The following SHISA9 variants were observed in gnomAD, a reference collection of about 807,000 sequenced individuals.
The protein encoded by SHISA9 is protein shisa-9.
Under a neutral mutation model 38.0 loss-of-function variants are expected in SHISA9, and 13 were observed. The ratio of observed to expected loss-of-function variants is 0.34; its 90% CI spans 0.22 to 0.54. SHISA9 has a LOEUF of 0.54. Among genes scored for constraint, SHISA9 ranks in the 20% least tolerant of loss-of-function variants. The pLI is 0.91. For missense variants in SHISA9, 538 were observed against 575.8 expected (o/e 0.93, Z 0.67); for synonymous variants, 275 against 242.0 (o/e 1.14, Z -1.27).
chr16:13,084,337 C>T (rs1206696446), intron 2 of SHISA9, among the ~76,000 whole-genome samples: 1 of 152,158 alleles, frequency 6.6e-6, no homozygotes, highest in Non-Finnish European at 1.5e-5. Flanking sequence ...GAAATATGTT[C>T]CCATGAACTC....
intron 2 of SHISA9, among the ~76,000 whole-genome samples, chr16:12,937,119 G>A (rs781392650): frequency 1.3e-5 from 2 of 152,110 alleles, no homozygotes; most frequent in Non-Finnish European, 2.9e-5. Context: ...TTTAAGAATT[G>A]AGTTTTAGAT....
the SHISA9 span, among the ~76,000 whole-genome samples, chr16:13,314,760 A>G: frequency 6.6e-6 from 1 of 152,110 alleles, no homozygotes; most frequent in African/African-American, 2.4e-5. Flanking sequence ...ATATTCATAT[A>G]CGTAATTTAA....
At chr16:13,072,595 C>A (rs923925265) in intron 2 of SHISA9, among the ~76,000 whole-genome samples, 19 of 152,128 alleles carry the variant, frequency 1.2e-4, no homozygotes, top group Non-Finnish European at 2.5e-4. Context: ...TCATTCAATC[C>A]TTTCAAGACC....
intron 2 of SHISA9, among the ~76,000 whole-genome samples, chr16:13,113,653 C>G (rs1016135044): frequency 3.3e-5 from 5 of 152,268 alleles, no homozygotes; most frequent in African/African-American, 4.8e-5. Context: ...AGTTAATGTG[C>G]TTAATATTCA....
chr16:13,052,178 A>G (rs2073259598), intron 2 of SHISA9, among the ~76,000 whole-genome samples: 1 of 152,230 alleles, frequency 6.6e-6, no homozygotes, highest in Non-Finnish European at 1.5e-5. Flanking sequence ...TAATAATCCA[A>G]GAAAAGAAAA....
At chr16:13,514,926 AG>A in the SHISA9 span, among the ~76,000 whole-genome samples, 1 of 152,222 alleles carries the variant, frequency 6.6e-6, no homozygotes, top group Admixed American at 6.5e-5. Context: ...AGCAAAAACA[AG>A]AACGACAAAG....
At chr16:13,399,351 C>T in the SHISA9 span, among the ~76,000 whole-genome samples, 7 of 152,222 alleles carry the variant, frequency 4.6e-5, no homozygotes, top group East Asian at 1.2e-3. Flanking sequence ...ACCATATATT[C>T]AAGCTAAATA....
At chr16:13,469,318 GAGAGAA>G in the SHISA9 span, among the ~76,000 whole-genome samples, 323 of 95,284 alleles carry the variant, frequency 3.4e-3, 3 homozygotes, top group African/African-American at 0.013. Flanking sequence ...GAGAGAGAGA[GAGAGAA>G]AGAAAGAAAG....
At chr16:13,294,130 C>G in the SHISA9 span, among the ~76,000 whole-genome samples, 3,841 of 152,274 alleles carry the variant, frequency 0.025, 164 homozygotes, top group African/African-American at 0.086. Flanking sequence ...TATGCAATAT[C>G]CTGCTTGGTC....
intron 2 of SHISA9, among the ~76,000 whole-genome samples, chr16:13,115,232 C>T (rs965800566): frequency 3.3e-5 from 5 of 152,066 alleles, no homozygotes; most frequent in Admixed American, 2.6e-4. Flanking sequence ...AACCTATCAG[C>T]ACTAGAGGAA....
chr16:12,973,121 T>C (rs1318937305), intron 2 of SHISA9, among the ~76,000 whole-genome samples: 1 of 152,062 alleles, frequency 6.6e-6, no homozygotes, highest in Admixed American at 6.6e-5. Flanking sequence ...ATTTCACCCC[T>C]CCGCTCCCCC....
intron 2 of SHISA9, among the ~76,000 whole-genome samples, chr16:13,010,100 C>G (rs149480608): frequency 6.6e-6 from 1 of 152,050 alleles, no homozygotes; most frequent in African/African-American, 2.4e-5. Flanking sequence ...GTCGCTTGAG[C>G]CCAGGAGGTT....
chr16:13,138,888 A>G (rs2050373211), intron 2 of SHISA9, among the ~76,000 whole-genome samples: 1 of 151,868 alleles, frequency 6.6e-6, no homozygotes, highest in Non-Finnish European at 1.5e-5. Context: ...TTTTAATTCC[A>G]TGGTACCCAC....
the SHISA9 span, among the ~76,000 whole-genome samples, chr16:13,466,557 T>C: frequency 6.6e-6 from 1 of 152,122 alleles, no homozygotes; most frequent in Non-Finnish European, 1.5e-5. Flanking sequence ...ACAGAATGGG[T>C]AGTTGTTGTT....
chr16:12,902,253 G>A lies in SHISA9; in HGVS notation c.189G>A (p.Ala63=), dbSNP rs2071027755. The A allele has an allele frequency of 5.8e-6, 9 of 1,545,316 alleles. No homozygotes were observed. The highest frequency in any genetic ancestry group is 2.0e-5 in the Admixed American group (1 of 50,956). The change falls in exon 1 of 5, where the codon GCG becomes GCA. Residue 63 remains alanine, a synonymous_variant. Coordinates refer to ENST00000558583, the MANE Select transcript of SHISA9 (RefSeq NM_001145204.3). ...EASEGAEASD[A]PPTRAPTPDF... is the part of the protein sequence containing the mutation. ...GCGAGGGCGCTGAGGCATCGGACGC[G>A]CCCCCGACCCGGGCGCCCACGCCGG...
At chr16:13,280,070 A>T in the SHISA9 span, among the ~76,000 whole-genome samples, 4 of 144,278 alleles carry the variant, frequency 2.8e-5, no homozygotes, top group East Asian at 2.0e-4. Context: ...TAGTGATGCT[A>T]CTTTTTCATT....
intron 3 of SHISA9, among the ~76,000 whole-genome samples, chr16:13,204,124 T>G (rs931180836): frequency 3.4e-5 from 5 of 146,602 alleles, no homozygotes; most frequent in Non-Finnish European, 7.5e-5. Context: ...ATCTATCATC[T>G]AACTACCTAT....
chr16:13,177,188 C>T (rs2050738682), intron 2 of SHISA9, among the ~76,000 whole-genome samples: 1 of 152,196 alleles, frequency 6.6e-6, no homozygotes. Flanking sequence ...AGAACCCCCT[C>T]TCAGAGAACA....
At chr16:13,391,393 A>C in the SHISA9 span, among the ~76,000 whole-genome samples, 1 of 152,206 alleles carries the variant, frequency 6.6e-6, no homozygotes, top group African/African-American at 2.4e-5. Context: ...CACAACTGAA[A>C]AAAGGCTAAA....
Sources: gnomAD v4.1 joint callset for allele counts (sites outside exome capture counted in the v4.1 genomes callset) on GRCh38, gnomAD v4.1.1 for gene constraint, MANE v1.5 for transcripts, NCBI Gene and HGNC (gene_info 2026-07-23, HGNC 2026-07-21) for gene names.